APLF: variants seen among roughly 807,000 people sequenced by gnomAD.
APLF encodes aprataxin and PNKP like factor, also known as aprataxin and PNK-like factor.
In APLF, 61 loss-of-function variants were observed where a neutral mutation model predicts 55.6. The ratio of observed to expected loss-of-function variants is 1.10; its 90% CI spans 0.89 to 1.36. The LOEUF is 1.36. Ranked by LOEUF, APLF falls within the 40% of genes most tolerant of loss-of-function variation. The probability of loss-of-function intolerance (pLI) is 0.00; values close to 1 mark genes in which losing one functional copy is unlikely to be tolerated. For missense variants in APLF, 611 were observed against 602.5 expected (o/e 1.01, Z -0.15); for synonymous variants, 207 against 214.8 (o/e 0.96, Z 0.32).
rs573300551 is a variant in APLF, at chr2:68,556,373, A to G, written c.1287-10968A>G. ...GGAAATAAAAAAAATTTAATAAAAA[A>G]AGGTATCTTGCCTGTCAACTAATTT... On this transcript the variant is annotated intron_variant, in intron 8 of 9. Transcript: ENST00000303795. 1.1e-4 allele frequency among the ~76,000 whole-genome samples: 17 copies of G among 152,284 alleles called. No individual in the cohort carries two copies. In the Middle Eastern group the frequency reaches 0.01, roughly 91 times the overall value.
chr2:68,489,461 G>A lies in APLF; in HGVS notation c.97-729G>A, dbSNP rs1199413188. 3.3e-5 allele frequency among the ~76,000 whole-genome samples: 5 copies of A among 152,218 alleles called. 1 individual carries two copies. The highest frequency in any genetic ancestry group is 7.3e-5 in the Non-Finnish European group (5 of 68,036). Reference sequence around the variant, plus strand: ...TTAACTATTGTATTTACAGTGAAAAGGGAAAGCTTTGATTGGCACTGTCAG... The same window carrying A: ...TTAACTATTGTATTTACAGTGAAAAAGGAAAGCTTTGATTGGCACTGTCAG... On this transcript the variant is annotated intron_variant, in intron 1 of 9. Coordinates refer to ENST00000303795, the MANE Select transcript of APLF (RefSeq NM_173545.3).
chr2:68,475,881 T>TTATATATATATATATA (rs141693033), intron 1 of APLF, among the ~76,000 whole-genome samples: 24 of 148,734 alleles, frequency 1.6e-4, no homozygotes, highest in African/African-American at 5.4e-4. Flanking sequence ...TTTAAGTCTT[T>TTATATATATATATATA]TATATATATA....
At chr2:68,541,126 C>T (rs1490059598) in intron 7 of APLF, among the ~76,000 whole-genome samples, 1 of 152,030 alleles carries the variant, frequency 6.6e-6, no homozygotes, top group Non-Finnish European at 1.5e-5. Context: ...TTAACTCCTG[C>T]CTTATACCTA....
chr2:68,520,332 A>G (rs1669860889), intron 5 of APLF, among the ~76,000 whole-genome samples: 1 of 151,578 alleles, frequency 6.6e-6, no homozygotes, highest in South Asian at 2.1e-4. Flanking sequence ...AGTCCCATCT[A>G]TTTATCTTTG....
At chr2:68,499,168 G>C (rs543120732) in intron 2 of APLF, among the ~76,000 whole-genome samples, 1 of 151,954 alleles carries the variant, frequency 6.6e-6, no homozygotes, top group South Asian at 2.1e-4. Flanking sequence ...TTTTTTGCAG[G>C]GATAATGCAT....
chr2:68,558,484 TATTGA>T (rs1671075720), intron 8 of APLF, among the ~76,000 whole-genome samples: 1 of 152,212 alleles, frequency 6.6e-6, no homozygotes, highest in Non-Finnish European at 1.5e-5. Flanking sequence ...TTAAAATACA[TATTGA>T]ATTTCAAAAA....
intron 3 of APLF, among the ~76,000 whole-genome samples, chr2:68,505,156 A>G (rs1027764278): frequency 5.3e-5 from 8 of 152,200 alleles, no homozygotes; most frequent in African/African-American, 1.9e-4. Flanking sequence ...TACTACTTTA[A>G]AGTACATGTC....
chr2:68,467,829 T>C lies in APLF; in HGVS notation c.96+2T>C. The C allele has an allele frequency of 8.1e-7, 1 of 1,231,782 alleles. No individual in the cohort carries two copies. Among genetic ancestry groups the C allele is most frequent in the East Asian group, 3.2e-5 (1 of 31,640 alleles). 76.3% of individuals were successfully genotyped at this position (1,231,782 alleles called of 1,614,324 possible). A position where few individuals can be genotyped will look rare whatever the true frequency, so the allele number is the denominator to read the frequency against. On this transcript the variant is annotated splice_donor_variant, in intron 1 of 9. Coordinates refer to ENST00000303795, the MANE Select transcript of APLF (RefSeq NM_173545.3). LOFTEE classifies it high-confidence loss of function. The stretch of plus-strand genomic sequence containing the variant: ...ATCGGCCGCGGGCCGCTGCTGGGAG[T>C]AAGTGTGGGCGGGGGCTTAGCGGAC...
At chr2:68,524,561 G>A (rs1034187755) in intron 5 of APLF, among the ~76,000 whole-genome samples, 13 of 152,172 alleles carry the variant, frequency 8.5e-5, no homozygotes, top group African/African-American at 3.1e-4. Flanking sequence ...ACACTGTATG[G>A]CCCACAGAGT....
At chr2:68,547,855 T>G (rs183315941) in intron 8 of APLF, among the ~76,000 whole-genome samples, 194 of 151,946 alleles carry the variant, frequency 1.3e-3, no homozygotes, top group African/African-American at 4.6e-3. Flanking sequence ...TTTACAACTA[T>G]AAATGAAGTC....
intron 3 of APLF, among the ~76,000 whole-genome samples, chr2:68,510,163 C>T (rs1224860331): frequency 6.6e-6 from 1 of 151,626 alleles, no homozygotes; most frequent in East Asian, 1.9e-4. Flanking sequence ...CACATGTATA[C>T]ATATGTAACA....
At position 68,529,017 on chromosome 2, in the gene APLF, C is replaced by T; in HGVS notation, c.804+2775C>T. ...TCTTTGGGCTCTTCTGCCCTCACCT[C>T]CATTTTCGGGAGCCTGGCTGGGATC... On this transcript the variant is annotated intron_variant, in intron 6 of 9. Transcript: ENST00000303795. This position sits in a 1 kb window ranked among gnomAD's most constrained non-coding sequence, Gnocchi z 4.4. 6.7e-7 allele frequency: 1 copy of T among 1,500,652 alleles called. No individual in the cohort carries two copies. The highest frequency in any genetic ancestry group is 9.0e-7 in the Non-Finnish European group (1 of 1,114,506). 93.0% of individuals were successfully genotyped at this position (1,500,652 alleles called of 1,614,324 possible). A position where few individuals can be genotyped will look rare whatever the true frequency, so the allele number is the denominator to read the frequency against.
chr2:68,560,140 ACT>A (rs1369206821), intron 8 of APLF, among the ~76,000 whole-genome samples: 3 of 151,590 alleles, frequency 2.0e-5, no homozygotes, highest in Non-Finnish European at 2.9e-5. Flanking sequence ...ATGTTCAATC[ACT>A]CTCTATATCC....
chr2:68,494,326 C>T (rs1676470626), intron 2 of APLF, among the ~76,000 whole-genome samples: 1 of 148,120 alleles, frequency 6.8e-6, no homozygotes, highest in Non-Finnish European at 1.5e-5. Context: ...ATTTAATTGG[C>T]TCATGGGCAA....
chr2:68,502,959 C>T (rs1573185027), intron 3 of APLF, 56 bp downstream of exon 3: 1 of 1,538,864 alleles, frequency 6.5e-7, no homozygotes, highest in South Asian at 1.2e-5. Flanking sequence ...ATTCCTCAGC[C>T]ATCACAAATC....
intron 9 of APLF, among the ~76,000 whole-genome samples, chr2:68,575,133 C>T (rs1671587441): frequency 6.6e-6 from 1 of 151,212 alleles, no homozygotes; most frequent in Non-Finnish European, 1.5e-5. Context: ...AGGGTGTGTA[C>T]ATGGTATGGG....
At chr2:68,490,399 TA>T (rs1676322427) in intron 2 of APLF, 138 bp downstream of exon 2, 1 of 571,912 alleles carries the variant, frequency 1.7e-6, no homozygotes, top group South Asian at 3.2e-5. Flanking sequence ...AGAAAATAAT[TA>T]GGAGATAAAG....
At position 68,536,514 on chromosome 2, in the gene APLF, T is replaced by C. The variant is rs189235086; in HGVS notation, c.805-1358T>C. Among the ~76,000 whole-genome samples the C allele has an allele frequency of 2.1e-3, 326 of 152,288 alleles. 1 individual carries two copies. The highest frequency in any genetic ancestry group is 7.3e-3 in the African/African-American group (305 of 41,560). On this transcript the variant is annotated intron_variant, in intron 6 of 9. Transcript: ENST00000303795. ...TGTTGTTATCACATCCTAGAAATGGTTACCAGGAGAACTGGGGTATATCTG... is the reference window on the plus strand; with the variant it reads ...TGTTGTTATCACATCCTAGAAATGGCTACCAGGAGAACTGGGGTATATCTG...
chr2:68,485,716 A>C (rs1676142959), intron 1 of APLF, among the ~76,000 whole-genome samples: 2 of 152,010 alleles, frequency 1.3e-5, no homozygotes. Flanking sequence ...AAAGAAATGC[A>C]TCTCTCCCAG....
Sources: allele counts gnomAD v4.1 joint callset (sites outside exome capture counted in the v4.1 genomes callset), GRCh38; gene constraint gnomAD v4.1.1; non-coding constraint Gnocchi (gnomAD v3.1); transcripts MANE v1.5; gene names NCBI Gene and HGNC (gene_info 2026-07-23, HGNC 2026-07-21).